Variants in TRPM3 observed in about 807,000 individuals in gnomAD.
TRPM3 encodes the protein long transient receptor potential channel 3.
Under a neutral mutation model 181.2 loss-of-function variants are expected in TRPM3, and 77 were observed. The ratio of observed to expected loss-of-function variants is 0.42; its 90% CI spans 0.35 to 0.51. TRPM3 has a LOEUF of 0.51. TRPM3 is among the 20% of genes least tolerant of loss of function. The pLI is 0.01. For synonymous variants in TRPM3, 745 were observed against 796.4 expected, an observed-to-expected ratio of 0.94 and a Z score of 1.09; for missense variants, 1,759 against 2,196.7, an observed-to-expected ratio of 0.80 and a Z score of 3.98.
chr9:70,581,816 T>C (rs562875944), intron 22 of TRPM3, among the ~76,000 whole-genome samples: 39 of 152,212 alleles, frequency 2.6e-4, no homozygotes, highest in African/African-American at 9.4e-4. Context: ...GCTGCTGGGC[T>C]CACACAGCTC....
In TRPM3 at chr9:71,089,151, A is replaced by C. The variant is rs560287313; in HGVS notation, c.177+32027T>G. ...TCATATATATTATATATGAATATAT[A>C]TTTTATATCATATATGAATATATAT... On this transcript the variant is annotated intron_variant, in intron 1 of 25. Coordinates refer to ENST00000677713, the MANE Select transcript of TRPM3 (RefSeq NM_001366145.2). 5.4e-5 allele frequency among the ~76,000 whole-genome samples: 8 copies of C among 147,602 alleles called. No individual in the cohort carries two copies. The South Asian group carries it at 1.7e-3, about 31-fold the overall frequency.
intron 1 of TRPM3, among the ~76,000 whole-genome samples, chr9:71,319,725 A>G (rs555736516): frequency 3.3e-5 from 5 of 152,278 alleles, no homozygotes; most frequent in East Asian, 3.9e-4. Context: ...TTAATATAAT[A>G]TTATTCAAAA....
At chr9:70,788,380 T>C (rs562762412) in intron 6 of TRPM3, among the ~76,000 whole-genome samples, 11 of 152,202 alleles carry the variant, frequency 7.2e-5, no homozygotes, top group Middle Eastern at 3.4e-3. Flanking sequence ...TTTGTGAAAC[T>C]CACTGAGGCC....
At chr9:71,184,253 A>G (rs887844187) in intron 1 of TRPM3, among the ~76,000 whole-genome samples, 8 of 152,112 alleles carry the variant, frequency 5.3e-5, no homozygotes, top group African/African-American at 1.9e-4. Context: ...AAGGATAACT[A>G]ATGGGATCAA....
intron 7 of TRPM3, among the ~76,000 whole-genome samples, chr9:70,765,022 C>T (rs2078840219): frequency 6.6e-6 from 1 of 152,172 alleles, no homozygotes; most frequent in Non-Finnish European, 1.5e-5. Flanking sequence ...CAATGGACTT[C>T]ACAGATAATC....
At chr9:70,935,570 C>T (rs1273505107) in intron 1 of TRPM3, among the ~76,000 whole-genome samples, 2 of 152,124 alleles carry the variant, frequency 1.3e-5, no homozygotes, top group African/African-American at 2.4e-5. Flanking sequence ...CCAAAATGTA[C>T]GATGTTATCT....
At chr9:70,589,366 A>C (rs1056763388) in intron 22 of TRPM3, among the ~76,000 whole-genome samples, 1 of 152,032 alleles carries the variant, frequency 6.6e-6, no homozygotes, top group African/African-American at 2.4e-5. Flanking sequence ...ACACACCTAC[A>C]CCTCCCTCCT....
chr9:71,028,625 C>T (rs1311126217), intron 1 of TRPM3, among the ~76,000 whole-genome samples: 2 of 143,796 alleles, frequency 1.4e-5, no homozygotes, highest in Non-Finnish European at 1.5e-5. Context: ...AAAAATCTAC[C>T]AAATGAAAAA....
intron 1 of TRPM3, among the ~76,000 whole-genome samples, chr9:71,200,496 G>A: frequency 1.3e-5 from 2 of 151,754 alleles, no homozygotes; most frequent in Non-Finnish European, 2.9e-5. Flanking sequence ...CATTATTATT[G>A]TGTGGGAGTC....
intron 1 of TRPM3, among the ~76,000 whole-genome samples, chr9:70,881,731 C>CCATTTCTG (rs557366380): frequency 6.6e-6 from 1 of 152,190 alleles, no homozygotes; most frequent in African/African-American, 2.4e-5. Context: ...GTGCTTTTGG[C>CCATTTCTG]CATTTCTGCA....
At chr9:70,754,755 G>A (rs1278357733) in intron 8 of TRPM3, among the ~76,000 whole-genome samples, 1 of 152,130 alleles carries the variant, frequency 6.6e-6, no homozygotes, top group African/African-American at 2.4e-5. Context: ...AGTTTGTAAG[G>A]GGAATCAAAA....
chr9:70,557,663 T>G (rs1176094147), intron 22 of TRPM3, among the ~76,000 whole-genome samples: 1 of 152,186 alleles, frequency 6.6e-6, no homozygotes, highest in Non-Finnish European at 1.5e-5. Context: ...CCCCGGGACA[T>G]GCACCCAAGA....
chr9:71,340,613 C>T (rs2090895962), intron 1 of TRPM3, among the ~76,000 whole-genome samples: 1 of 152,096 alleles, frequency 6.6e-6, no homozygotes. Context: ...CCATGTAGAA[C>T]TTTAAGTCCA....
At chr9:71,019,591 TG>T (rs1406487907) in intron 1 of TRPM3, among the ~76,000 whole-genome samples, 2 of 151,924 alleles carry the variant, frequency 1.3e-5, no homozygotes, top group African/African-American at 2.4e-5. Flanking sequence ...CTTAAATAAT[TG>T]GGGGGAATAT....
chr9:70,914,159 T>A (rs1480231466), intron 1 of TRPM3, among the ~76,000 whole-genome samples: 3 of 152,230 alleles, frequency 2.0e-5, no homozygotes, highest in Non-Finnish European at 4.4e-5. Context: ...TCCTCATGAA[T>A]GGAGTTAATG....
chr9:70,898,524 C>A (rs1177724466), intron 1 of TRPM3, among the ~76,000 whole-genome samples: 2 of 150,268 alleles, frequency 1.3e-5, no homozygotes, highest in South Asian at 2.1e-4. Context: ...CCAAGGCGGG[C>A]GGATCACGAG....
intron 1 of TRPM3, among the ~76,000 whole-genome samples, chr9:71,273,023 T>G (rs945262281): frequency 6.6e-6 from 1 of 152,032 alleles, no homozygotes; most frequent in African/African-American, 2.4e-5. Flanking sequence ...TACAGGTTCA[T>G]GCAACTGCAC....
chr9:70,805,833 C>G (rs1021552273), intron 6 of TRPM3, among the ~76,000 whole-genome samples: 1 of 152,154 alleles, frequency 6.6e-6, no homozygotes, highest in African/African-American at 2.4e-5. Context: ...TGCAGGCACA[C>G]CATGTTTAAT....
chr9:71,091,508 G>C (rs545610622), intron 1 of TRPM3, among the ~76,000 whole-genome samples: 1 of 152,178 alleles, frequency 6.6e-6, no homozygotes, highest in Admixed American at 6.6e-5. Flanking sequence ...GAAATACAAT[G>C]ATATGAATTT....
Sources: allele counts gnomAD v4.1 joint callset (sites outside exome capture counted in the v4.1 genomes callset), GRCh38; gene constraint gnomAD v4.1.1; transcripts MANE v1.5; gene names NCBI Gene and HGNC (gene_info 2026-07-23, HGNC 2026-07-21).